MYO7B: variants seen among roughly 807,000 people sequenced by gnomAD.
MYO7B encodes unconventional myosin-VIIb.
A neutral mutation model predicts 259.7 loss-of-function variants in MYO7B; 212 were observed. The observed-to-expected ratio is 0.82, with a 90% CI of 0.73 to 0.91. The LOEUF is 0.91. Ranked by LOEUF, MYO7B falls within the 40% of genes least tolerant of loss-of-function variation. The pLI is 0.00. For synonymous variants in MYO7B, 1,197 were observed against 1,166.4 expected (o/e 1.03, Z -0.54); for missense variants, 2,732 against 2,813.5 (o/e 0.97, Z 0.66).
chr2:127,569,800 G>A lies in MYO7B; in HGVS notation c.482G>A (p.Gly161Glu), dbSNP rs779833094. ...CACCCTTTTTGCAGCGGCGAGTCTG[G>A]GGCTGGCAAGACGGAGACCACCAAG... ...DQCCIISGESGAGKTETTKLI... is the reference protein window; with the variant it reads ...DQCCIISGESEAGKTETTKLI... The change falls in exon 6 of 48, where the codon GGG becomes GAG. Residue 161 changes from glycine to glutamate, a missense_variant. By Grantham distance (98) the Gly-to-Glu change is moderately conservative (BLOSUM62 -2). Transcript: ENST00000409816. The A allele has an allele frequency of 1.2e-6, 2 of 1,611,916 alleles. No individual in the cohort carries two copies. Among genetic ancestry groups the A allele is most frequent in the South Asian group, 2.2e-5 (2 of 90,830 alleles).
intron 10 of MYO7B, among the ~76,000 whole-genome samples, chr2:127,581,136 C>T (rs554147444): frequency 6.6e-6 from 1 of 152,276 alleles, no homozygotes; most frequent in African/African-American, 2.4e-5. Context: ...CCCTAGGCTC[C>T]CCACTTGGAC....
rs1337095076 is a variant in MYO7B at position 127,628,209 on chromosome 2, G to T, written c.4461-163G>T. 4 of 851,984 alleles carry T rather than the reference G, an allele frequency of 4.7e-6. No homozygotes were observed. The African/African-American group carries it at 6.7e-5, about 14-fold the overall frequency. 52.8% of individuals were successfully genotyped at this position (851,984 alleles called of 1,614,324 possible). ...TCCTGTGCTCCGCCGTCCTTCATTT[G>T]TCCAGACCCACAGTGGTGTCTGGCC... On this transcript the variant is annotated intron_variant, in intron 33 of 47. Coordinates refer to ENST00000409816, the MANE Select transcript of MYO7B (RefSeq NM_001393586.1). This position sits in a 1 kb window ranked among gnomAD's most constrained non-coding sequence, Gnocchi z 4.8.
In MYO7B at chr2:127,539,871, G is replaced by A. The variant is rs1050536568; in HGVS notation, c.-24+4040G>A. ...GAAAGTCCCCAAAGTCCATTGTATC[G>A]TTCTTACGCCTTTGCAGCCTCATAG... On this transcript the variant is annotated intron_variant, in intron 1 of 47. Coordinates refer to ENST00000409816, the MANE Select transcript of MYO7B (RefSeq NM_001393586.1). The surrounding 1 kb of genome is among the most constrained non-coding windows in gnomAD (Gnocchi z 4.0). Among the ~76,000 whole-genome samples, 12 of 152,258 alleles carry A rather than the reference G, an allele frequency of 7.9e-5. No homozygotes were observed. In the South Asian group the frequency reaches 8.3e-4, roughly 11 times the overall value.
intron 19 of MYO7B, among the ~76,000 whole-genome samples, chr2:127,598,232 T>C (rs973010716): frequency 6.6e-6 from 1 of 152,242 alleles, no homozygotes; most frequent in African/African-American, 2.4e-5. Flanking sequence ...CCACCAGCAA[T>C]GTCTGGCTGA....
At chr2:127,598,253 G>A (rs777852968) in intron 19 of MYO7B, among the ~76,000 whole-genome samples, 9 of 152,168 alleles carry the variant, frequency 5.9e-5, no homozygotes, top group Admixed American at 1.3e-4. Flanking sequence ...CTCAGTGTCC[G>A]TGCATCCTCA....
At chr2:127,624,358 C>A in intron 30 of MYO7B, 38 bp downstream of exon 30, 1 of 1,529,670 alleles carries the variant, frequency 6.5e-7, no homozygotes, top group Non-Finnish European at 8.8e-7. Context: ...CTAGGCTTTG[C>A]CATCAGGAAA....
chr2:127,635,849 T>A lies in MYO7B; in HGVS notation c.5948T>A (p.Leu1983Gln), dbSNP rs200042564. The A allele has an allele frequency of 1.1e-5, 18 of 1,584,338 alleles. No homozygotes were observed. The Admixed American group carries it at 2.7e-4, about 24-fold the overall frequency. Residue 1983 changes from leucine (L) to glutamine (Q), a missense_variant, in exon 44 of 48, where the codon CTG becomes CAG. Physicochemically the swap from Leu to Gln is moderately radical, Grantham distance 113. Around this residue, in one of 3 missense-constraint regions of MYO7B, gnomAD observed 821 missense variants for 769.3 expected, o/e 1.07. Transcript: ENST00000409816. ...CAGCTGGCTAGTGTCCCCAAGATCCTGAGGGAACTGGTGCCTGAGAACCTC... is the reference window on the plus strand; with the variant it reads ...CAGCTGGCTAGTGTCCCCAAGATCCAGAGGGAACTGGTGCCTGAGAACCTC... ...RSQLASVPKI[L>Q]RELVPENLTR... is the part of the protein sequence containing the mutation.
At chr2:127,605,676 C>G (rs532340817) in intron 19 of MYO7B, among the ~76,000 whole-genome samples, 168 bp from the exon 20 acceptor site, 5 of 152,352 alleles carry the variant, frequency 3.3e-5, no homozygotes, top group African/African-American at 9.6e-5. Context: ...TTGTTCCTAA[C>G]CTGCCTGTGC....
chr2:127,566,571 G>C, intron 4 of MYO7B, 72 bp from the exon 5 acceptor site: 1 of 1,424,096 alleles, frequency 7.0e-7, no homozygotes, highest in South Asian at 1.5e-5. Context: ...CCAGAGCCAA[G>C]GCCAAGGCCA....
Position 127,580,828 on chromosome 2 carries a change from G to T in MYO7B, c.1080+6G>T. The T allele has an allele frequency of 1.2e-6, 2 of 1,611,686 alleles. No individual in the cohort carries two copies. Among genetic ancestry groups the T allele is most frequent in the Non-Finnish European group, 1.7e-6 (2 of 1,178,984 alleles). ...CCGTGATGAAGTTACTGGAGGTAGG[G>T]GTGCTGTGCCCACAGCTTCCATTTT... On this transcript the variant is annotated splice_donor_region_variant and intron_variant, in intron 10 of 47. Transcript: ENST00000409816.
Position 127,637,552 on chromosome 2 carries a change from G to A in MYO7B, c.*135G>A. On this transcript the variant is annotated 3_prime_UTR_variant, in exon 48 of 48. Transcript: ENST00000409816. ...CTGCCCCCCATACAAAGCCCACTCA[G>A]CCCCGCAGGCGGCCCCCTCTGTCCT... 1.5e-6 allele frequency: 1 copy of A among 661,182 alleles called. No homozygotes were observed. Among genetic ancestry groups the A allele is most frequent in the Non-Finnish European group, 2.5e-6 (1 of 407,280 alleles). The allele number at this position is 661,182 out of a possible 1,614,324, so 41.0% of individuals were successfully genotyped here.
intron 40 of MYO7B, 44 bp from the exon 41 acceptor site, chr2:127,634,132 C>T (rs372479527): frequency 3.9e-5 from 58 of 1,482,232 alleles, no homozygotes; most frequent in African/African-American, 5.6e-5. Flanking sequence ...GCTGTACTGG[C>T]CCCTAGCCAG....
chr2:127,538,726 C>T (rs1247672467), intron 1 of MYO7B, among the ~76,000 whole-genome samples: 7 of 151,878 alleles, frequency 4.6e-5, no homozygotes, highest in Non-Finnish European at 8.8e-5. Context: ...CCACCACGCC[C>T]GGCTAATTTT....
chr2:127,633,513 G>A lies in MYO7B; in HGVS notation c.5511+150G>A, dbSNP rs1349712018. On this transcript the variant is annotated intron_variant, in intron 40 of 47. Coordinates refer to ENST00000409816, the MANE Select transcript of MYO7B (RefSeq NM_001393586.1). ...AACCAGTCTCCCGCCCTCTCCCCAT[G>A]GGATGCAGGCCCCACCTGCCCTTGG... 7.8e-6 allele frequency: 6 copies of A among 765,686 alleles called. No homozygotes were observed. The Admixed American group carries it at 1.6e-4, about 20-fold the overall frequency. The allele number at this position is 765,686 out of a possible 1,614,324, so 47.4% of individuals were successfully genotyped here.
In MYO7B at chr2:127,622,586, C is replaced by A. The variant is rs1380367687; in HGVS notation, c.3645+485C>A. ...CAGGGTGGCGAGAGCACACCTGCAC[C>A]CGGCTCTACACAAAGCTCTGGCCCC... On this transcript the variant is annotated intron_variant, in intron 28 of 47. Transcript: ENST00000409816. 2.6e-5 allele frequency among the ~76,000 whole-genome samples: 4 copies of A among 152,276 alleles called. No individual in the cohort carries two copies. The East Asian group carries it at 7.7e-4, about 29-fold the overall frequency.
rs1302929951 is a variant in MYO7B at position 127,636,709 on chromosome 2, T to C, written c.6207+81T>C. 5 of 1,609,574 alleles carry C rather than the reference T, an allele frequency of 3.1e-6. No homozygotes were observed. The highest frequency in any genetic ancestry group is 2.7e-5 in the African/African-American group (2 of 74,762). On this transcript the variant is annotated intron_variant, in intron 46 of 47. Coordinates refer to ENST00000409816, the MANE Select transcript of MYO7B (RefSeq NM_001393586.1). The surrounding 1 kb of genome is among the most constrained non-coding windows in gnomAD (Gnocchi z 4.5). The stretch of plus-strand genomic sequence containing the variant: ...GGTGGGGCTGCAGTCATCTCTGCGG[T>C]GTGTCCTGCCTCTCTCCTGTCCCCT...
intron 43 of MYO7B, 150 bp downstream of exon 43, chr2:127,635,376 C>G: frequency 2.7e-6 from 2 of 730,766 alleles, no homozygotes; most frequent in Non-Finnish European, 4.5e-6. Flanking sequence ...CCTGAGGGCT[C>G]TGGAACCAGG....
chr2:127,630,935 T>C, intron 36 of MYO7B, 27 bp downstream of exon 36: 1 of 1,541,236 alleles, frequency 6.5e-7, no homozygotes, highest in Non-Finnish European at 8.8e-7. Flanking sequence ...CTCCGCCTCA[T>C]TGCACCCCCA....
At chr2:127,549,282 TC>T (rs1256972675) in intron 1 of MYO7B, among the ~76,000 whole-genome samples, 1 of 152,184 alleles carries the variant, frequency 6.6e-6, no homozygotes, top group Non-Finnish European at 1.5e-5. Flanking sequence ...TAACCATTTC[TC>T]CAACACTTTA....
Sources: gnomAD v4.1 joint callset for allele counts (sites outside exome capture counted in the v4.1 genomes callset) on GRCh38, gnomAD v4.1.1 for gene constraint, gnomAD v4.1.1 regional missense constraint, Gnocchi (gnomAD v3.1) non-coding constraint, MANE v1.5 for transcripts, NCBI Gene and HGNC (gene_info 2026-07-23, HGNC 2026-07-21) for gene names.